The following ATOH8 variants were observed in gnomAD, a reference collection of about 807,000 sequenced individuals.
ATOH8 encodes the protein atonal bHLH transcription factor 8, also known as transcription factor ATOH8.
ATOH8 carries 9 observed loss-of-function variants against 21.2 expected under a neutral mutation model. The observed-to-expected ratio is 0.42, with a 90% CI of 0.26 to 0.74. ATOH8 has a LOEUF of 0.74. ATOH8 is among the 30% of genes least tolerant of loss of function. The pLI is 0.24. For missense variants in ATOH8, 524 were observed against 470.9 expected, an observed-to-expected ratio of 1.11 and a Z score of -1.04; for synonymous variants, 253 against 224.0, an observed-to-expected ratio of 1.13 and a Z score of -1.16.
chr2:85,754,764 A>C lies in ATOH8; in HGVS notation c.575A>C (p.Tyr192Ser), dbSNP rs1262181828. The change falls in exon 1 of 3, where the codon TAC becomes TCC. Residue 192 changes from tyrosine (Y) to serine (S), a missense_variant. Tyr to Ser is a moderately radical substitution (Grantham distance 144). Coordinates refer to ENST00000306279, the MANE Select transcript of ATOH8 (RefSeq NM_032827.7). ...CCGACGCGCCCCGGGGAAAGTTCCTACTCGTCAATTTCACACGTAATTTAC... is the reference window on the plus strand; with the variant it reads ...CCGACGCGCCCCGGGGAAAGTTCCTCCTCGTCAATTTCACACGTAATTTAC... ...APPTRPGESS[Y>S]SSISHVIYNN... The C allele has an allele frequency of 1.2e-6, 2 of 1,612,720 alleles. No individual in the cohort carries two copies. The highest frequency in any genetic ancestry group is 2.7e-5 in the African/African-American group (2 of 74,998).
chr2:85,779,414 C>T (rs750949844), intron 2 of ATOH8, among the ~76,000 whole-genome samples: 20 of 152,234 alleles, frequency 1.3e-4, no homozygotes, highest in Admixed American at 3.3e-4. Flanking sequence ...GGAGACAGCT[C>T]GGCAGCCAGA....
intron 1 of ATOH8, among the ~76,000 whole-genome samples, chr2:85,756,265 G>A (rs1032376884): frequency 3.3e-5 from 5 of 152,152 alleles, no homozygotes; most frequent in Non-Finnish European, 5.9e-5. Flanking sequence ...AACCCTGGGC[G>A]GTGGGTCCAG....
At chr2:85,758,210 A>T (rs1314046882) in intron 1 of ATOH8, among the ~76,000 whole-genome samples, 1 of 152,214 alleles carries the variant, frequency 6.6e-6, no homozygotes, top group Middle Eastern at 3.2e-3. Context: ...CATTCATCAC[A>T]TGCTTACTTT....
intron 2 of ATOH8, among the ~76,000 whole-genome samples, chr2:85,775,936 C>T (rs985703464): frequency 6.6e-6 from 1 of 152,242 alleles, no homozygotes; most frequent in Non-Finnish European, 1.5e-5. Context: ...GTCCTCACCA[C>T]AGCCCCACAA....
intron 1 of ATOH8, chr2:85,760,814 T>C (rs1679849348): frequency 6.6e-6 from 1 of 152,260 alleles, no homozygotes; most frequent in Non-Finnish European, 1.5e-5. Flanking sequence ...TGAAGCTCTG[T>C]GAGCTGCCCA....
At chr2:85,763,668 T>C (rs2104505266) in intron 1 of ATOH8, among the ~76,000 whole-genome samples, 1 of 152,246 alleles carries the variant, frequency 6.6e-6, no homozygotes, top group South Asian at 2.1e-4. Flanking sequence ...CTCAGAGAGA[T>C]TCCTCCTCAA....
Position 85,787,023 on chromosome 2 carries a change from CAG to C in ATOH8, c.*134_*135del. 8.0e-7 allele frequency: 1 copy of C among 1,245,690 alleles called. No homozygotes were observed. 77.2% of individuals were successfully genotyped at this position (1,245,690 alleles called of 1,614,324 possible). On this transcript the variant is annotated 3_prime_UTR_variant, in exon 3 of 3. Coordinates refer to ENST00000306279, the MANE Select transcript of ATOH8 (RefSeq NM_032827.7). ...GCCAGATGCCCAGCCTACAGCCTCT[CAG>C]GGTCGGATCGGAGCACGCCTGCCTC...
In ATOH8 at chr2:85,754,739, C is replaced by T. The variant is rs751905216; in HGVS notation, c.550C>T (p.Pro184Ser). 1.1e-5 allele frequency: 17 copies of T among 1,612,578 alleles called. No homozygotes were observed. The highest frequency in any genetic ancestry group is 2.2e-5 in the East Asian group (1 of 44,878). ...GGAGTCCACTGTGCGCCCTGCGCCC[C>T]CGACGCGCCCCGGGGAAAGTTCCTA... ...PPESTVRPAP[P>S]TRPGESSYSS... Residue 184 changes from proline (P) to serine (S), a missense_variant, in exon 1 of 3, where the codon CCG (proline) becomes TCG (serine). Coordinates refer to ENST00000306279, the MANE Select transcript of ATOH8 (RefSeq NM_032827.7).
rs556225274 is a variant in ATOH8, at chr2:85,762,461, T to C, written c.769-1530T>C. Among the ~76,000 whole-genome samples, 18 of 152,348 alleles carry C rather than the reference T, an allele frequency of 1.2e-4. No homozygotes were observed. The South Asian group carries it at 1.9e-3, about 16-fold the overall frequency. ...ATCAACAAACCCTTTTGAGGGCCTG[T>C]TATGGGCAGGACCTGTGCTAGGCAC... is the stretch of plus-strand genomic sequence containing the variant. On this transcript the variant is annotated intron_variant, in intron 1 of 2. Coordinates refer to ENST00000306279, the MANE Select transcript of ATOH8 (RefSeq NM_032827.7).
At chr2:85,772,952 AC>A (rs1558614253) in intron 2 of ATOH8, 1 of 396,240 alleles carries the variant, frequency 2.5e-6, no homozygotes. Flanking sequence ...GGCTGTTGTC[AC>A]TGGGGATGGT....
intron 1 of ATOH8, among the ~76,000 whole-genome samples, chr2:85,755,488 G>T (rs1679662302): frequency 6.6e-6 from 1 of 152,196 alleles, no homozygotes; most frequent in African/African-American, 2.4e-5. Context: ...AAGAACCCGC[G>T]CTACAAGCCT....
At chr2:85,756,419 C>T (rs1679698418) in intron 1 of ATOH8, among the ~76,000 whole-genome samples, 1 of 152,160 alleles carries the variant, frequency 6.6e-6, no homozygotes, top group South Asian at 2.1e-4. Flanking sequence ...ACCTGCCCAC[C>T]TTGCCACTAG....
chr2:85,765,798 A>T (rs1440032538), intron 2 of ATOH8, among the ~76,000 whole-genome samples: 2 of 151,992 alleles, frequency 1.3e-5, no homozygotes, highest in Admixed American at 6.5e-5. Context: ...GGCTGGGAGG[A>T]GGCTGGATGC....
At chr2:85,764,815 G>A (rs1679965356) in intron 2 of ATOH8, among the ~76,000 whole-genome samples, 1 of 152,194 alleles carries the variant, frequency 6.6e-6, no homozygotes, top group African/African-American at 2.4e-5. Context: ...TGTGCTAGGG[G>A]CAGTGGAAGG....
In ATOH8 at chr2:85,790,322, A is replaced by ATG. The variant is rs146569473; in HGVS notation, c.*3443_*3444dup. 6.7e-3 allele frequency among the ~76,000 whole-genome samples: 1,017 copies of ATG among 152,158 alleles called. 14 individuals are homozygous for ATG. Among genetic ancestry groups the ATG allele is most frequent in the African/African-American group, 0.023 (965 of 41,502 alleles). ...GCCCCACGTGTGCACACCCATCTTC[A>ATG]TGTGTGTGTGTGCCAGCCTCCTGCT... On this transcript the variant is annotated 3_prime_UTR_variant, in exon 3 of 3. Transcript: ENST00000306279.
At position 85,787,462 on chromosome 2, in the gene ATOH8, G is replaced by T. The variant is rs1463218384; in HGVS notation, c.*572G>T. On this transcript the variant is annotated 3_prime_UTR_variant, in exon 3 of 3. Coordinates refer to ENST00000306279, the MANE Select transcript of ATOH8 (RefSeq NM_032827.7). ...GGGGCTGTGAGAGGGAGGCTGGGGT[G>T]CCTGGGCGGGGCTGGGAGTGGGACC... The T allele has an allele frequency of 6.5e-6, 1 of 153,304 alleles. No homozygotes were observed. Among genetic ancestry groups the T allele is most frequent in the Non-Finnish European group, 1.5e-5 (1 of 68,460 alleles). The allele number at this position is 153,304 out of a possible 1,614,324, so 9.5% of individuals were successfully genotyped here.
At chr2:85,782,635 T>C (rs1231087514) in intron 2 of ATOH8, among the ~76,000 whole-genome samples, 1 of 152,170 alleles carries the variant, frequency 6.6e-6, no homozygotes, top group Admixed American at 6.5e-5. Flanking sequence ...GTGAGTAAAA[T>C]GCCTGTGACC....
At chr2:85,759,551 C>T (rs1679806597) in intron 1 of ATOH8, among the ~76,000 whole-genome samples, 2 of 152,180 alleles carry the variant, frequency 1.3e-5, no homozygotes, top group Admixed American at 1.3e-4. Context: ...TAGCTCTTAA[C>T]CACCAAGACC....
intron 1 of ATOH8, chr2:85,760,699 C>G (rs2104500695): frequency 6.6e-6 from 1 of 152,402 alleles, no homozygotes; most frequent in Non-Finnish European, 1.5e-5. Flanking sequence ...CATCCACCCT[C>G]TGCCTGGCCT....
Sources: allele counts gnomAD v4.1 joint callset (sites outside exome capture counted in the v4.1 genomes callset), GRCh38; gene constraint gnomAD v4.1.1; transcripts MANE v1.5; gene names NCBI Gene and HGNC (gene_info 2026-07-23, HGNC 2026-07-21).